The following PRKCA variants were observed in gnomAD, a reference collection of about 807,000 sequenced individuals.
PRKCA encodes the protein protein kinase C alpha.
Under a neutral mutation model 87.0 loss-of-function variants are expected in PRKCA, and 27 were observed. The ratio of observed to expected loss-of-function variants is 0.31; its 90% confidence interval spans 0.23 to 0.43. The LOEUF (loss-of-function observed/expected upper bound fraction) is 0.43. Among genes scored for constraint, PRKCA ranks in the 20% least tolerant of loss-of-function variants. The probability of loss-of-function intolerance (pLI) is 1.00; values close to 1 mark genes in which losing one functional copy is unlikely to be tolerated. For missense variants in PRKCA, 518 were observed against 852.3 expected (o/e 0.61, Z 4.88); for synonymous variants, 329 against 311.1 (o/e 1.06, Z -0.61).
At chr17:66,667,648 G>A (rs72848611) in intron 5 of PRKCA, among the ~76,000 whole-genome samples, 3 of 152,246 alleles carry the variant, frequency 2.0e-5, no homozygotes, top group Non-Finnish European at 4.4e-5. Flanking sequence ...ACCACATCAA[G>A]GAACCACATT....
chr17:66,782,760 G>A (rs1363072067), intron 14 of PRKCA, among the ~76,000 whole-genome samples: 2 of 152,300 alleles, frequency 1.3e-5, no homozygotes, highest in South Asian at 2.1e-4. Context: ...GGCTGTAGCC[G>A]AGTACCCTCT....
At chr17:66,401,453 G>A (rs748655957) in intron 2 of PRKCA, among the ~76,000 whole-genome samples, 43 of 152,308 alleles carry the variant, frequency 2.8e-4, no homozygotes, top group African/African-American at 1.0e-3. Context: ...TAGGCAGAAG[G>A]TGAGGCCAAA....
At chr17:66,405,254 T>C (rs1368519551) in intron 2 of PRKCA, among the ~76,000 whole-genome samples, 1 of 152,190 alleles carries the variant, frequency 6.6e-6, no homozygotes, top group African/African-American at 2.4e-5. Context: ...GCCGTGGGGA[T>C]TTCACAGCTG....
At chr17:66,610,132 C>A (rs1598812023) in intron 3 of PRKCA, among the ~76,000 whole-genome samples, 1 of 152,134 alleles carries the variant, frequency 6.6e-6, no homozygotes, top group African/African-American at 2.4e-5. Context: ...AAATTGACCC[C>A]CTTTTAGGGT....
rs1191547383 is a variant in PRKCA, at chr17:66,788,977, G to A, written c.1852G>A (p.Val618Met). ...GATCCAGCCACCATTCAAGCCCAAA[G>A]TGGTGAGTCCAGAAAAGCAGCCTGT... ...REIQPPFKPK[V>M]CGKGAENFDK... The change falls in exon 16 of 17, where the codon GTG becomes ATG. Residue 618 changes from valine to methionine, a missense_variant and splice_region_variant. Val to Met is a conservative substitution (Grantham distance 21, BLOSUM62 1). Around this residue, in one of 5 missense-constraint regions of PRKCA, gnomAD observed 159 missense variants for 232.4 expected, o/e 0.68. Coordinates refer to ENST00000413366, the MANE Select transcript of PRKCA (RefSeq NM_002737.3). 1 of 1,614,128 alleles carries A rather than the reference G, an allele frequency of 6.2e-7. No individual in the cohort carries two copies. The highest frequency in any genetic ancestry group is 1.1e-5 in the South Asian group (1 of 91,064).
intron 2 of PRKCA, among the ~76,000 whole-genome samples, chr17:66,439,417 T>A (rs1913598132): frequency 6.6e-6 from 1 of 152,194 alleles, no homozygotes; most frequent in African/African-American, 2.4e-5. Context: ...CCTGACCTTG[T>A]GATCTGCCTG....
chr17:66,373,243 A>G (rs1244937080), intron 2 of PRKCA, among the ~76,000 whole-genome samples: 4 of 152,232 alleles, frequency 2.6e-5, no homozygotes, highest in Non-Finnish European at 5.9e-5. Context: ...TAATACAGCC[A>G]GTATTTACTG....
intron 13 of PRKCA, among the ~76,000 whole-genome samples, chr17:66,759,195 A>G (rs1427141959): frequency 1.3e-5 from 2 of 151,954 alleles, no homozygotes; most frequent in African/African-American, 4.8e-5. Flanking sequence ...TCTAATAAAA[A>G]TACAAAAAAA....
intron 8 of PRKCA, among the ~76,000 whole-genome samples, chr17:66,719,682 G>C (rs900560051): frequency 1.5e-4 from 23 of 152,224 alleles, no homozygotes; most frequent in Admixed American, 1.4e-3. Flanking sequence ...TGCGAGAATC[G>C]CTTGAACCCA....
At chr17:66,665,906 C>T (rs1013615131) in intron 5 of PRKCA, among the ~76,000 whole-genome samples, 3 of 152,180 alleles carry the variant, frequency 2.0e-5, no homozygotes, top group African/African-American at 7.2e-5. Flanking sequence ...CATCTGAAGA[C>T]AGAGGAGTGG....
At chr17:66,574,894 A>G (rs1969188644) in intron 3 of PRKCA, among the ~76,000 whole-genome samples, 1 of 152,180 alleles carries the variant, frequency 6.6e-6, no homozygotes, top group East Asian at 1.9e-4. Flanking sequence ...CTAACAATAT[A>G]CTGTAGTAAA....
At chr17:66,550,751 A>G (rs1438849433) in intron 3 of PRKCA, among the ~76,000 whole-genome samples, 1 of 152,202 alleles carries the variant, frequency 6.6e-6, no homozygotes, top group Non-Finnish European at 1.5e-5. Flanking sequence ...TCCTGCCAGC[A>G]TTAAATGTCC....
Position 66,729,752 on chromosome 17 carries a change from G to C in PRKCA, c.919-2936G>C, listed in dbSNP as rs1256682635. Among the ~76,000 whole-genome samples the C allele has an allele frequency of 7.4e-5, 11 of 148,764 alleles. No homozygotes were observed. In the East Asian group the frequency reaches 1.8e-3, roughly 24 times the overall value. ...ATCAGAGCATGTTCACAAGCCCTGA[G>C]ACTTGATCCCTGTATGAGCGAGTTA... On this transcript the variant is annotated intron_variant, in intron 8 of 16. Coordinates refer to ENST00000413366, the MANE Select transcript of PRKCA (RefSeq NM_002737.3).
At chr17:66,796,439 A>C (rs533516696) in intron 16 of PRKCA, 1 of 985,216 alleles carries the variant, frequency 1.0e-6, no homozygotes, top group East Asian at 1.1e-4. Context: ...GTCCGTTCTT[A>C]TTCTCCAGAC....
chr17:66,589,167 G>T (rs72845940), intron 3 of PRKCA, among the ~76,000 whole-genome samples: 17,508 of 152,012 alleles, frequency 0.12, 1,108 homozygotes, highest in Admixed American at 0.14. Context: ...ACACCTACCA[G>T]CTCATGGGTG....
intron 5 of PRKCA, chr17:66,676,812 A>C (rs907591516): frequency 2.0e-5 from 3 of 152,214 alleles, no homozygotes; most frequent in African/African-American, 7.2e-5. Flanking sequence ...GGTTCTGTTA[A>C]GACAGGAGAA....
intron 14 of PRKCA, among the ~76,000 whole-genome samples, chr17:66,779,369 A>C (rs150940987): frequency 7.6e-4 from 116 of 151,774 alleles, no homozygotes; most frequent in African/African-American, 2.7e-3. Context: ...GGGCATAAAT[A>C]GTGTTTACCC....
intron 2 of PRKCA, among the ~76,000 whole-genome samples, chr17:66,349,691 G>A (rs1463712936): frequency 6.6e-6 from 1 of 152,108 alleles, no homozygotes; most frequent in African/African-American, 2.4e-5. Flanking sequence ...CCTCTGGGCT[G>A]CTGACTGCGC....
intron 13 of PRKCA, among the ~76,000 whole-genome samples, chr17:66,761,641 C>T (rs972886371): frequency 1.3e-5 from 2 of 151,764 alleles, no homozygotes; most frequent in African/African-American, 4.8e-5. Context: ...ACAGGCTGGT[C>T]TTGAACTCCT....
Sources: gnomAD v4.1 joint callset for allele counts (sites outside exome capture counted in the v4.1 genomes callset) on GRCh38, gnomAD v4.1.1 for gene constraint, gnomAD v4.1.1 regional missense constraint, MANE v1.5 for transcripts, NCBI Gene and HGNC (gene_info 2026-07-23, HGNC 2026-07-21) for gene names.